GTF2F2: variants seen among roughly 807,000 people sequenced by gnomAD.
The protein encoded by GTF2F2 is ATP-dependent helicase GTF2F2.
In GTF2F2, 23 loss-of-function variants were observed where a neutral mutation model predicts 42.2. The observed-to-expected ratio is 0.55, with a 90% CI of 0.39 to 0.77. The LOEUF (loss-of-function observed/expected upper bound fraction) is 0.77. Among genes scored for constraint, GTF2F2 ranks in the 30% least tolerant of loss-of-function variants. The probability of loss-of-function intolerance (pLI) is 0.00; values close to 1 mark genes in which losing one functional copy is unlikely to be tolerated. For missense variants in GTF2F2, 261 were observed against 287.2 expected, an observed-to-expected ratio of 0.91 and a Z score of 0.66; for synonymous variants, 105 against 100.8, an observed-to-expected ratio of 1.04 and a Z score of -0.25.
intron 4 of GTF2F2, among the ~76,000 whole-genome samples, chr13:45,160,309 C>T (rs1397767924): frequency 6.6e-6 from 1 of 152,148 alleles, no homozygotes; most frequent in African/African-American, 2.4e-5. Context: ...CTTATAAATA[C>T]ATAGTTGGAA....
intron 5 of GTF2F2, among the ~76,000 whole-genome samples, chr13:45,245,371 A>G (rs1038537837): frequency 2.0e-5 from 3 of 151,692 alleles, no homozygotes; most frequent in African/African-American, 7.3e-5. Context: ...TTCAGTGGTG[A>G]TTTGTGAGAT....
At chr13:45,153,838 G>C (rs372319977) in intron 4 of GTF2F2, among the ~76,000 whole-genome samples, 1 of 151,926 alleles carries the variant, frequency 6.6e-6, no homozygotes, top group East Asian at 1.9e-4. Flanking sequence ...TTGGCCAGGC[G>C]TGGTGGCAGG....
chr13:45,147,459 A>G (rs1870250804), intron 2 of GTF2F2, among the ~76,000 whole-genome samples: 1 of 152,220 alleles, frequency 6.6e-6, no homozygotes, highest in African/African-American at 2.4e-5. Context: ...CAGGAGTGCT[A>G]GAGAGGGGAC....
At chr13:45,267,604 TGTTC>T (rs1470869418) in intron 7 of GTF2F2, among the ~76,000 whole-genome samples, 30 of 152,316 alleles carry the variant, frequency 2.0e-4, no homozygotes, top group African/African-American at 7.2e-4. Context: ...ATTATCCTCA[TGTTC>T]ATTTATTCTT....
At chr13:45,212,520 CTCTT>C (rs1375938762) in intron 5 of GTF2F2, among the ~76,000 whole-genome samples, 1 of 100,004 alleles carries the variant, frequency 1.0e-5, no homozygotes, top group East Asian at 2.4e-4. Context: ...TTCTTTCTTT[CTCTT>C]TCTCTCTTTC....
intron 5 of GTF2F2, among the ~76,000 whole-genome samples, chr13:45,238,273 T>C (rs995500280): frequency 3.3e-5 from 5 of 152,140 alleles, no homozygotes; most frequent in Non-Finnish European, 7.4e-5. Context: ...TTTTAAAGAA[T>C]GAAACTCAAG....
rs537241151 is a variant in GTF2F2, at chr13:45,146,157, A to G, written c.141-3613A>G. 2.0e-5 allele frequency among the ~76,000 whole-genome samples: 3 copies of G among 152,120 alleles called. No homozygotes were observed. The East Asian group carries it at 5.8e-4, about 29-fold the overall frequency. ...ATACCTATGTTGTTTGGCTTCACCT[A>G]ATGGTTTTTGAGCTCAGTTGTTCAG... On this transcript the variant is annotated intron_variant, in intron 2 of 7. Transcript: ENST00000340473.
At chr13:45,222,644 G>A (rs1039269751) in intron 5 of GTF2F2, among the ~76,000 whole-genome samples, 9 of 152,112 alleles carry the variant, frequency 5.9e-5, no homozygotes, top group African/African-American at 1.7e-4. Flanking sequence ...GGGTTTTACA[G>A]CCCAAGCTTC....
intron 4 of GTF2F2, among the ~76,000 whole-genome samples, chr13:45,203,479 C>CT (rs1593489572): frequency 1.3e-5 from 2 of 152,156 alleles, no homozygotes; most frequent in African/African-American, 4.8e-5. Flanking sequence ...TCTTTCTAGA[C>CT]TCCTGTGCTT....
chr13:45,257,006 G>T (rs547944368), intron 6 of GTF2F2, among the ~76,000 whole-genome samples: 3 of 152,170 alleles, frequency 2.0e-5, no homozygotes, highest in African/African-American at 7.2e-5. Context: ...CCTACATTTG[G>T]TCAGAAAGAA....
At chr13:45,147,937 A>G (rs1167247582) in intron 2 of GTF2F2, among the ~76,000 whole-genome samples, 2 of 152,114 alleles carry the variant, frequency 1.3e-5, no homozygotes, top group African/African-American at 2.4e-5. Flanking sequence ...TACCTTTGCC[A>G]TAAAGTTTTT....
At chr13:45,124,081 C>T (rs1260253981) in intron 1 of GTF2F2, 10 of 919,966 alleles carry the variant, frequency 1.1e-5, no homozygotes, top group Admixed American at 3.4e-5. Context: ...CATTGTCTTA[C>T]CAGGAAATGA....
chr13:45,192,238 A>G (rs1430557774), intron 4 of GTF2F2, among the ~76,000 whole-genome samples: 1 of 152,164 alleles, frequency 6.6e-6, no homozygotes, highest in Non-Finnish European at 1.5e-5. Context: ...ATATAAAAAT[A>G]TTATGTAGCT....
At chr13:45,247,729 T>C (rs1380016130) in intron 5 of GTF2F2, among the ~76,000 whole-genome samples, 3 of 152,152 alleles carry the variant, frequency 2.0e-5, no homozygotes, top group Non-Finnish European at 4.4e-5. Context: ...TTTGATGTTA[T>C]AACTCAGGCA....
intron 4 of GTF2F2, among the ~76,000 whole-genome samples, chr13:45,185,986 T>A (rs1390739782): frequency 6.6e-6 from 1 of 152,160 alleles, no homozygotes; most frequent in East Asian, 1.9e-4. Flanking sequence ...TGGTTTTTTT[T>A]TTTCTTGAGG....
chr13:45,151,952 G>A (rs927849767), intron 4 of GTF2F2, 121 bp downstream of exon 4: 5 of 476,072 alleles, frequency 1.1e-5, no homozygotes, highest in Non-Finnish European at 1.4e-5. Flanking sequence ...TTTCGCTCTT[G>A]TTGCCCAGGC....
intron 5 of GTF2F2, among the ~76,000 whole-genome samples, chr13:45,246,039 C>T (rs1875590978): frequency 1.4e-5 from 2 of 144,538 alleles, no homozygotes; most frequent in Admixed American, 1.4e-4. Flanking sequence ...AGACGGAGCT[C>T]GCTCTGTCGC....
chr13:45,126,218 G>C (rs1227854404), intron 1 of GTF2F2, among the ~76,000 whole-genome samples: 2 of 150,290 alleles, frequency 1.3e-5, no homozygotes, highest in South Asian at 4.2e-4. Context: ...TGGCAAAGAA[G>C]CACCTTGGCT....
At chr13:45,174,634 C>CTTTTTTTTTTTTTTT (rs397950608) in intron 4 of GTF2F2, among the ~76,000 whole-genome samples, 3 of 81,440 alleles carry the variant, frequency 3.7e-5, no homozygotes, top group Admixed American at 1.2e-4. Context: ...TTTCTTTTTT[C>CTTTTTTTTTTTTTTT]TTTTTTTTTT....
Sources: gnomAD v4.1 joint callset for allele counts (sites outside exome capture counted in the v4.1 genomes callset) on GRCh38, gnomAD v4.1.1 for gene constraint, MANE v1.5 for transcripts, NCBI Gene and HGNC (gene_info 2026-07-23, HGNC 2026-07-21) for gene names.